ZFPM2: variants seen among roughly 807,000 people sequenced by gnomAD.
ZFPM2 encodes the protein zinc finger protein, FOG family member 2.
A neutral mutation model predicts 98.6 loss-of-function variants in ZFPM2; 20 were observed. The observed-to-expected ratio is 0.20, with a 90% CI of 0.14 to 0.29. The LOEUF is 0.29. ZFPM2 is among the 10% of genes least tolerant of loss of function. The pLI, the probability that ZFPM2 is intolerant of heterozygous loss-of-function variation, is 1.00. For missense variants in ZFPM2, 1,310 were observed against 1,388.6 expected (o/e 0.94, Z 0.90); for synonymous variants, 518 against 502.7 (o/e 1.03, Z -0.41).
At chr8:105,538,058 C>G (rs1454516614) in intron 3 of ZFPM2, among the ~76,000 whole-genome samples, 1 of 152,108 alleles carries the variant, frequency 6.6e-6, no homozygotes, top group African/African-American at 2.4e-5. Context: ...TGTATCACCC[C>G]TTGCCAATTT....
At chr8:105,632,264 G>T (rs1816768489) in intron 4 of ZFPM2, among the ~76,000 whole-genome samples, 1 of 152,112 alleles carries the variant, frequency 6.6e-6, no homozygotes, top group African/African-American at 2.4e-5. Flanking sequence ...CCACCTCCTG[G>T]GTTGAAGCAA....
At chr8:105,469,280 C>T (rs1460146993) in intron 3 of ZFPM2, among the ~76,000 whole-genome samples, 13 of 152,108 alleles carry the variant, frequency 8.5e-5, no homozygotes, top group Non-Finnish European at 1.5e-5. Flanking sequence ...TTAATTGCTG[C>T]TTGTGATTAA....
intron 5 of ZFPM2, among the ~76,000 whole-genome samples, chr8:105,669,061 A>G (rs531679065): frequency 3.7e-4 from 56 of 152,262 alleles, no homozygotes; most frequent in Non-Finnish European, 7.2e-4. Context: ...TTTCACTGCT[A>G]TAGGATAGAG....
chr8:105,660,709 T>A (rs1313461657), intron 5 of ZFPM2, among the ~76,000 whole-genome samples: 1 of 152,220 alleles, frequency 6.6e-6, no homozygotes, highest in East Asian at 1.9e-4. Flanking sequence ...GGTATCACCA[T>A]GCCCCCTAGC....
intron 5 of ZFPM2, among the ~76,000 whole-genome samples, chr8:105,743,053 G>A (rs753449339): frequency 5.3e-5 from 8 of 152,042 alleles, no homozygotes; most frequent in Admixed American, 3.3e-4. Flanking sequence ...ATGGTAATAT[G>A]ATATTCAAAC....
At chr8:105,490,725 A>T (rs747555723) in intron 3 of ZFPM2, among the ~76,000 whole-genome samples, 13 of 152,204 alleles carry the variant, frequency 8.5e-5, no homozygotes, top group Non-Finnish European at 1.8e-4. Context: ...AGTAGGAAGT[A>T]TAGAGCCAGG....
At chr8:105,796,274 T>TGATGTTATTGGGAAGCTCCAATGTATG (rs57834752) in intron 6 of ZFPM2, among the ~76,000 whole-genome samples, 24,729 of 152,088 alleles carry the variant, frequency 0.16, 3,692 homozygotes, top group African/African-American at 0.39. Context: ...TAGGAGTATC[T>TGATGTTATTGGGAAGCTCCAATGTATG]GATGTTAATT....
chr8:105,636,532 CA>C (rs1449203229), intron 5 of ZFPM2, among the ~76,000 whole-genome samples: 1 of 151,882 alleles, frequency 6.6e-6, no homozygotes, highest in South Asian at 2.1e-4. Context: ...TTTATGTGTC[CA>C]AAAAGGAGTA....
chr8:105,399,826 C>T (rs577009083), intron 1 of ZFPM2, among the ~76,000 whole-genome samples: 6 of 152,014 alleles, frequency 3.9e-5, no homozygotes, highest in East Asian at 1.9e-4. Flanking sequence ...AGTGCAGTGG[C>T]GCGATCTCGG....
intron 3 of ZFPM2, among the ~76,000 whole-genome samples, chr8:105,461,936 T>C (rs1001307615): frequency 2.0e-5 from 3 of 152,180 alleles, no homozygotes; most frequent in African/African-American, 7.2e-5. Context: ...TTCATTTATC[T>C]GTTTTTCATA....
chr8:105,799,596 A>G (rs16873710), intron 7 of ZFPM2, among the ~76,000 whole-genome samples: 13,681 of 152,244 alleles, frequency 0.09, 703 homozygotes, highest in African/African-American at 0.13. Flanking sequence ...AACTGTTTCT[A>G]TTTAATTTGG....
At chr8:105,501,844 A>C (rs1019370359) in intron 3 of ZFPM2, among the ~76,000 whole-genome samples, 2 of 152,184 alleles carry the variant, frequency 1.3e-5, no homozygotes, top group Non-Finnish European at 2.9e-5. Flanking sequence ...AGAATAAACT[A>C]TATTATAAAG....
chr8:105,521,879 A>G (rs891927004), intron 3 of ZFPM2, among the ~76,000 whole-genome samples: 1 of 152,194 alleles, frequency 6.6e-6, no homozygotes, highest in Admixed American at 6.5e-5. Flanking sequence ...GCCCAGCCAA[A>G]TCTTTCAAAT....
intron 5 of ZFPM2, among the ~76,000 whole-genome samples, chr8:105,759,048 A>G (rs1812675572): frequency 6.6e-6 from 1 of 152,148 alleles, no homozygotes; most frequent in Non-Finnish European, 1.5e-5. Context: ...TTACCTTTAT[A>G]TAACTCCATA....
intron 5 of ZFPM2, among the ~76,000 whole-genome samples, chr8:105,768,073 C>T (rs1420333890): frequency 6.6e-6 from 1 of 150,506 alleles, no homozygotes; most frequent in African/African-American, 2.5e-5. Flanking sequence ...AATGAGGGAA[C>T]AAACACATAT....
intron 5 of ZFPM2, among the ~76,000 whole-genome samples, chr8:105,657,279 G>A (rs188282784): frequency 2.0e-5 from 3 of 152,026 alleles, no homozygotes; most frequent in African/African-American, 7.2e-5. Context: ...GCTGGGACTA[G>A]AGGCGCCTGC....
At chr8:105,651,974 CAT>C (rs376102963) in intron 5 of ZFPM2, among the ~76,000 whole-genome samples, 1 of 152,070 alleles carries the variant, frequency 6.6e-6, no homozygotes, top group African/African-American at 2.4e-5. Context: ...TGAAATGTTG[CAT>C]ATATACATAG....
At chr8:105,329,175 C>T (rs558990930) in intron 1 of ZFPM2, among the ~76,000 whole-genome samples, 15 of 151,834 alleles carry the variant, frequency 9.9e-5, no homozygotes, top group Non-Finnish European at 2.1e-4. Flanking sequence ...CCCACCATCA[C>T]AGGCAGTTGA....
At chr8:105,564,224 A>G (rs1815199314) in intron 4 of ZFPM2, among the ~76,000 whole-genome samples, 1 of 151,964 alleles carries the variant, frequency 6.6e-6, no homozygotes, top group African/African-American at 2.4e-5. Context: ...TATTTAAAAC[A>G]TGACTACTCT....
Sources: gnomAD v4.1 joint callset for allele counts (sites outside exome capture counted in the v4.1 genomes callset) on GRCh38, gnomAD v4.1.1 for gene constraint, MANE v1.5 for transcripts, NCBI Gene and HGNC (gene_info 2026-07-23, HGNC 2026-07-21) for gene names.